The following PCNX2 variants were observed in gnomAD, a reference collection of about 807,000 sequenced individuals.
PCNX2 encodes pecanex 2.
Under a neutral mutation model 223.8 loss-of-function variants are expected in PCNX2, and 168 were observed. That is an observed-to-expected ratio of 0.75 (90% confidence interval 0.66 to 0.85). The LOEUF (loss-of-function observed/expected upper bound fraction) is 0.85. Among genes scored for constraint, PCNX2 ranks in the 40% least tolerant of loss-of-function variants. PCNX2 has a pLI of 0.00. For synonymous variants in PCNX2, 1,006 were observed against 1,052.6 expected (o/e 0.96, Z 0.86); for missense variants, 2,507 against 2,675.5 (o/e 0.94, Z 1.39).
At chr1:233,112,709 T>TGGTGGAAGA in intron 21 of PCNX2, 1 of 567,776 alleles carries the variant, frequency 1.8e-6, no homozygotes. Context: ...GTGTAGATCT[T>TGGTGGAAGA]TGAACAATAT....
In PCNX2 at chr1:233,077,908, T is replaced by C. The variant is rs1247971426; in HGVS notation, c.4076+12153A>G. On this transcript the variant is annotated intron_variant, in intron 23 of 33. Transcript: ENST00000258229. ...AGGTGAAAGAGCATTATAAGCCCTA[T>C]GGAGTGGAGATGATGACAGAATGCT... is the stretch of plus-strand genomic sequence containing the variant. 4.6e-5 allele frequency among the ~76,000 whole-genome samples: 7 copies of C among 152,174 alleles called. No individual in the cohort carries two copies. The East Asian group carries it at 9.6e-4, about 21-fold the overall frequency.
Position 233,258,378 on chromosome 1 carries a change from C to G in PCNX2, c.1484G>C (p.Arg495Pro). 1 of 1,613,978 alleles carries G rather than the reference C, an allele frequency of 6.2e-7. No homozygotes were observed. Among genetic ancestry groups the G allele is most frequent in the African/African-American group, 1.3e-5 (1 of 75,046 alleles). Residue 495 changes from arginine (R) to proline (P), a missense_variant, in exon 5 of 34, where the codon CGG becomes CCG. By Grantham distance (103) the Arg-to-Pro change is moderately radical. Around this residue, in one of 3 missense-constraint regions of PCNX2, gnomAD observed 1,031 missense variants for 1,021.7 expected, o/e 1.01. Coordinates refer to ENST00000258229, the MANE Select transcript of PCNX2 (RefSeq NM_014801.4). ...CTCGGAGCCTGTATCAGGTGTAAGCCGGGACACCGATTCCCAGGGTTCCCG... is the reference window on the plus strand; with the variant it reads ...CTCGGAGCCTGTATCAGGTGTAAGCGGGGACACCGATTCCCAGGGTTCCCG... Reference protein sequence around the residue: ...SSREPWESVSRLTPDTGSESK... With the variant: ...SSREPWESVSPLTPDTGSESK...
At chr1:233,315,512 G>A in the PCNX2 span, among the ~76,000 whole-genome samples, 3,388 of 152,194 alleles carry the variant, frequency 0.022, 57 homozygotes, top group Non-Finnish European at 0.037. Context: ...TTGGAGAATT[G>A]AATAAAATCT....
In PCNX2 at chr1:233,238,902, T is replaced by C. The variant is rs1479218775; in HGVS notation, c.2223-1922A>G. 2.0e-5 allele frequency among the ~76,000 whole-genome samples: 3 copies of C among 152,176 alleles called. No individual in the cohort carries two copies. In the East Asian group the frequency reaches 5.8e-4, roughly 29 times the overall value. On this transcript the variant is annotated intron_variant, in intron 8 of 33. Transcript: ENST00000258229. ...TATTTAATGTTTGCTCCTAAAATAA[T>C]GCTTTTCCTTCTTGTCTATATTAGT...
chr1:233,144,205 T>C (rs1276713579), intron 19 of PCNX2, among the ~76,000 whole-genome samples: 2 of 152,184 alleles, frequency 1.3e-5, no homozygotes, highest in East Asian at 3.9e-4. Flanking sequence ...AAATACCCTC[T>C]TTTGGCCTTA....
rs1661383797 is a variant in PCNX2 at position 233,285,129 on chromosome 1, G to A, written c.153+10197C>T. The A allele has an allele frequency of 6.4e-6, 3 of 469,722 alleles. No individual in the cohort carries two copies. The South Asian group carries it at 2.8e-4, about 43-fold the overall frequency. The allele number at this position is 469,722 out of a possible 1,614,324, so 29.1% of individuals were successfully genotyped here. ...ACACTTCGGGAGGCCAAAGTGAGAG[G>A]ATTGCTTGAGGCCAGGAGTTTGACA... On this transcript the variant is annotated intron_variant, in intron 1 of 33. Coordinates refer to ENST00000258229, the MANE Select transcript of PCNX2 (RefSeq NM_014801.4).
At chr1:233,013,136 C>G (rs964781358) in intron 28 of PCNX2, among the ~76,000 whole-genome samples, 1 of 152,304 alleles carries the variant, frequency 6.6e-6, no homozygotes, top group South Asian at 2.1e-4. Flanking sequence ...GACCAGAGGC[C>G]AGCCAGCTCC....
intron 21 of PCNX2, among the ~76,000 whole-genome samples, chr1:233,129,321 C>A (rs1045769882): frequency 6.6e-6 from 1 of 152,208 alleles, no homozygotes; most frequent in African/African-American, 2.4e-5. Flanking sequence ...CGATTTCTCG[C>A]CGGGCCTTAG....
chr1:233,242,493 T>A (rs1159746093), intron 8 of PCNX2, among the ~76,000 whole-genome samples: 2 of 152,206 alleles, frequency 1.3e-5, no homozygotes, highest in Non-Finnish European at 2.9e-5. Context: ...ATGATATGCA[T>A]TTTGCATGCA....
intron 9 of PCNX2, among the ~76,000 whole-genome samples, chr1:233,229,927 T>C (rs1023795083): frequency 6.6e-6 from 1 of 152,224 alleles, no homozygotes; most frequent in Non-Finnish European, 1.5e-5. Flanking sequence ...GTTACATGTT[T>C]TGGTGAGTAA....
At chr1:233,302,208 T>C in the PCNX2 span, among the ~76,000 whole-genome samples, 2 of 152,226 alleles carry the variant, frequency 1.3e-5, no homozygotes, top group Admixed American at 1.3e-4. Flanking sequence ...GAGATAAATT[T>C]TGAATGTAAT....
intron 13 of PCNX2, among the ~76,000 whole-genome samples, chr1:233,206,647 A>G (rs1237402388): frequency 1.3e-5 from 2 of 151,942 alleles, no homozygotes; most frequent in African/African-American, 4.8e-5. Flanking sequence ...ATCTGTTCTT[A>G]TTTTTTTTCC....
chr1:233,144,751 T>C (rs79570613), intron 19 of PCNX2, among the ~76,000 whole-genome samples: 2,068 of 152,274 alleles, frequency 0.014, 31 homozygotes, highest in Middle Eastern at 0.024. Context: ...TCCTTATTGA[T>C]TTTTGGGAGT....
chr1:233,234,657 A>G (rs1275258917), intron 9 of PCNX2, among the ~76,000 whole-genome samples: 1 of 152,196 alleles, frequency 6.6e-6, no homozygotes, highest in Non-Finnish European at 1.5e-5. Context: ...TTGATAATCT[A>G]AAGTTTCTAG....
At chr1:233,055,105 T>C (rs1283171547) in intron 24 of PCNX2, among the ~76,000 whole-genome samples, 4 of 152,228 alleles carry the variant, frequency 2.6e-5, no homozygotes, top group African/African-American at 7.2e-5. Context: ...TTTTGGTGAT[T>C]ATGGGTAAAA....
At chr1:233,204,693 C>A (rs1010226349) in intron 13 of PCNX2, among the ~76,000 whole-genome samples, 1 of 152,182 alleles carries the variant, frequency 6.6e-6, no homozygotes, top group Non-Finnish European at 1.5e-5. Flanking sequence ...GTTTCACAAC[C>A]TTTTCCTGCT....
intron 19 of PCNX2, among the ~76,000 whole-genome samples, chr1:233,153,418 G>C (rs180757593): frequency 1.4e-3 from 218 of 152,282 alleles, no homozygotes; most frequent in African/African-American, 5.1e-3. Flanking sequence ...ATAGCTATTG[G>C]AATGGTGAGC....
At chr1:233,075,696 AACACACACACACACACACACACACAC>A (rs369431993) in intron 23 of PCNX2, among the ~76,000 whole-genome samples, 2 of 137,242 alleles carry the variant, frequency 1.5e-5, no homozygotes, top group Non-Finnish European at 3.1e-5. Context: ...GTTAGCTTAA[AACACACACACACACACACACACACAC>A]ACACACACAC....
At chr1:233,255,037 T>C (rs1234804787) in intron 5 of PCNX2, among the ~76,000 whole-genome samples, 1 of 152,120 alleles carries the variant, frequency 6.6e-6, no homozygotes, top group Non-Finnish European at 1.5e-5. Context: ...CTCTGACCAA[T>C]AATCTGCAGC....
Sources: allele counts gnomAD v4.1 joint callset (sites outside exome capture counted in the v4.1 genomes callset), GRCh38; gene constraint gnomAD v4.1.1; regional missense constraint gnomAD v4.1.1; transcripts MANE v1.5; gene names NCBI Gene and HGNC (gene_info 2026-07-23, HGNC 2026-07-21).